The following PDE4B variants were observed in gnomAD, a reference collection of about 807,000 sequenced individuals.
The protein encoded by PDE4B is 3',5'-cyclic-AMP phosphodiesterase 4B.
PDE4B carries 20 observed loss-of-function variants against 82.2 expected under a neutral mutation model. That is an observed-to-expected ratio of 0.24 (90% CI 0.17 to 0.35). The LOEUF is 0.35. Ranked by LOEUF, PDE4B falls within the 10% of genes least tolerant of loss-of-function variation. The pLI, the probability that PDE4B is intolerant of heterozygous loss-of-function variation, is 1.00. For missense variants in PDE4B, 655 were observed against 907.2 expected (o/e 0.72, Z 3.57); for synonymous variants, 320 against 318.9 (o/e 1.00, Z -0.04).
chr1:65,867,342 C>T (rs536665501), intron 1 of PDE4B, among the ~76,000 whole-genome samples: 1 of 151,982 alleles, frequency 6.6e-6, no homozygotes, highest in Non-Finnish European at 1.5e-5. Context: ...AAATTATTTC[C>T]AATTCTGTTC....
chr1:66,120,338 AC>A (rs35065076), intron 3 of PDE4B, among the ~76,000 whole-genome samples: 18,262 of 152,000 alleles, frequency 0.12, 2,737 homozygotes, highest in African/African-American at 0.35. Flanking sequence ...GGAGTAGCTC[AC>A]CCTTCTCTGA....
In PDE4B at chr1:66,314,474, G is replaced by A. The variant is rs1048782710; in HGVS notation, c.635-18034G>A. Among the ~76,000 whole-genome samples the A allele has an allele frequency of 1.1e-4, 17 of 152,190 alleles. 1 individual carries two copies. The South Asian group carries it at 1.5e-3, about 13-fold the overall frequency. The stretch of plus-strand genomic sequence containing the variant: ...TTTGCCCAGCCTGGAGTACAGTGGC[G>A]TGATCTCGGCTCACTGCAACCTCTG... On this transcript the variant is annotated intron_variant, in intron 7 of 16. Transcript: ENST00000341517.
intron 1 of PDE4B, among the ~76,000 whole-genome samples, chr1:65,838,655 ATGTT>A: frequency 6.7e-6 from 1 of 150,026 alleles, no homozygotes; most frequent in African/African-American, 2.4e-5. Context: ...ACATATATAT[ATGTT>A]TTTTTCCTCC....
intron 3 of PDE4B, among the ~76,000 whole-genome samples, chr1:66,131,549 G>A (rs1339155193): frequency 1.7e-5 from 2 of 117,390 alleles, no homozygotes; most frequent in East Asian, 2.9e-4. Context: ...ATCAGATAAT[G>A]CTAATATTAA....
intron 8 of PDE4B, among the ~76,000 whole-genome samples, chr1:66,335,670 G>C (rs1660462783): frequency 6.6e-6 from 1 of 152,186 alleles, no homozygotes; most frequent in Non-Finnish European, 1.5e-5. Flanking sequence ...GGTGCTGCCA[G>C]GTAGGTTAGT....
intron 1 of PDE4B, among the ~76,000 whole-genome samples, chr1:65,843,612 G>A (rs1646233988): frequency 6.6e-6 from 1 of 152,022 alleles, no homozygotes; most frequent in African/African-American, 2.4e-5. Flanking sequence ...AAGTTTTTAA[G>A]TATATATATA....
chr1:66,047,140 A>G (rs1289848862), intron 3 of PDE4B, among the ~76,000 whole-genome samples: 1 of 151,864 alleles, frequency 6.6e-6, no homozygotes, highest in African/African-American at 2.4e-5. Context: ...GAAACATGCC[A>G]TCTTTTAAGC....
At chr1:65,902,136 GT>G (rs1286273666) in intron 1 of PDE4B, among the ~76,000 whole-genome samples, 3 of 151,976 alleles carry the variant, frequency 2.0e-5, no homozygotes, top group Non-Finnish European at 4.4e-5. Flanking sequence ...TTATTCCAAT[GT>G]GGACTGAGAG....
intron 7 of PDE4B, among the ~76,000 whole-genome samples, chr1:66,269,811 TAGA>T (rs1655331592): frequency 6.6e-6 from 1 of 152,224 alleles, no homozygotes; most frequent in Admixed American, 6.5e-5. Flanking sequence ...TTTTGCTTTA[TAGA>T]AGGATTGGAG....
chr1:66,067,588 G>GGATATCTGGA (rs1655925707), intron 3 of PDE4B, among the ~76,000 whole-genome samples: 1 of 152,008 alleles, frequency 6.6e-6, no homozygotes, highest in Admixed American at 6.6e-5. Context: ...CTGGATATTA[G>GGATATCTGGA]CCGTTTGTCA....
chr1:65,976,269 T>C (rs1650403389), intron 3 of PDE4B, among the ~76,000 whole-genome samples: 1 of 152,254 alleles, frequency 6.6e-6, no homozygotes, highest in African/African-American at 2.4e-5. Flanking sequence ...CCCTGCTGGA[T>C]TTCAGACTGG....
At chr1:65,970,295 C>A (rs1650062332) in intron 3 of PDE4B, among the ~76,000 whole-genome samples, 1 of 150,858 alleles carries the variant, frequency 6.6e-6, no homozygotes, top group South Asian at 2.1e-4. Flanking sequence ...ACTGACAATA[C>A]AAACCTAAAA....
chr1:66,367,739 A>T lies in PDE4B; in HGVS notation c.1428A>T (p.Glu476Asp). The T allele has an allele frequency of 6.2e-7, 1 of 1,613,650 alleles. No individual in the cohort carries two copies. Among genetic ancestry groups the T allele is most frequent in the Non-Finnish European group, 8.5e-7 (1 of 1,179,716 alleles). Residue 476 changes from glutamate (E) to aspartate (D), a missense_variant, in exon 14 of 17, where the codon GAA becomes GAT. Transcript: ENST00000341517. ...ALMYNDESVL[E>D]NHHLAVGFKL... ...TGTATAATGATGAATCTGTGTTGGA[A>T]AATCATCACCTTGCTGTGGGTTTCA...
At chr1:66,241,589 T>G (rs1451173129) in intron 3 of PDE4B, among the ~76,000 whole-genome samples, 1 of 152,128 alleles carries the variant, frequency 6.6e-6, no homozygotes, top group African/African-American at 2.4e-5. Context: ...CACTGCAATC[T>G]CCGCCTTCCA....
At chr1:66,210,630 A>G (rs1431989752) in intron 3 of PDE4B, among the ~76,000 whole-genome samples, 2 of 151,402 alleles carry the variant, frequency 1.3e-5, no homozygotes, top group South Asian at 2.1e-4. Context: ...GAAAAAGGAA[A>G]AAAAGAAAAG....
In PDE4B at chr1:66,247,444, C is replaced by T; in HGVS notation, c.282-16C>T. ...ATGGTTATCATGTGACCAGAGTTTC[C>T]CACTTTCTCTTTAAGCTTTGATGTG... On this transcript the variant is annotated splice_polypyrimidine_tract_variant and intron_variant, in intron 3 of 16. Transcript: ENST00000341517. The T allele has an allele frequency of 2.6e-6, 4 of 1,538,384 alleles. No homozygotes were observed. Among genetic ancestry groups the T allele is most frequent in the Non-Finnish European group, 3.5e-6 (4 of 1,142,776 alleles).
At chr1:66,028,867 G>A (rs1232093433) in intron 3 of PDE4B, among the ~76,000 whole-genome samples, 1 of 152,054 alleles carries the variant, frequency 6.6e-6, no homozygotes, top group Non-Finnish European at 1.5e-5. Context: ...CAGCATTTTG[G>A]GCAAAGCCAT....
intron 3 of PDE4B, among the ~76,000 whole-genome samples, chr1:66,029,485 T>G (rs923661238): frequency 2.0e-5 from 3 of 152,162 alleles, no homozygotes; most frequent in Non-Finnish European, 4.4e-5. Flanking sequence ...TAAATATGAT[T>G]TATATTACAA....
intron 6 of PDE4B, among the ~76,000 whole-genome samples, chr1:66,258,085 G>C (rs944946244): frequency 6.6e-6 from 1 of 152,116 alleles, no homozygotes; most frequent in African/African-American, 2.4e-5. Flanking sequence ...GTACCCATAA[G>C]ACTCAGTACC....
Sources: allele counts gnomAD v4.1 joint callset (sites outside exome capture counted in the v4.1 genomes callset), GRCh38; gene constraint gnomAD v4.1.1; transcripts MANE v1.5; gene names NCBI Gene and HGNC (gene_info 2026-07-23, HGNC 2026-07-21).